The following ROBO2 variants were observed in gnomAD, a reference collection of about 807,000 sequenced individuals.
ROBO2 encodes roundabout guidance receptor 2.
A neutral mutation model predicts 160.8 loss-of-function variants in ROBO2; 53 were observed. The observed-to-expected ratio is 0.33, with a 90% confidence interval of 0.26 to 0.41. The LOEUF is 0.41. Ranked by LOEUF, ROBO2 falls within the 10% of genes least tolerant of loss-of-function variation. The probability of loss-of-function intolerance (pLI) is 1.00; values close to 1 mark genes in which losing one functional copy is unlikely to be tolerated. For synonymous variants in ROBO2, 664 were observed against 611.7 expected, an observed-to-expected ratio of 1.09 and a Z score of -1.26; for missense variants, 1,577 against 1,722.4, an observed-to-expected ratio of 0.92 and a Z score of 1.49.
chr3:76,776,156 C>T (rs764248716), intron 2 of ROBO2, among the ~76,000 whole-genome samples: 23 of 150,894 alleles, frequency 1.5e-4, no homozygotes, highest in Non-Finnish European at 3.1e-4. Flanking sequence ...GATCATCTCC[C>T]CAAAGAAAAG....
intron 2 of ROBO2, among the ~76,000 whole-genome samples, chr3:76,579,786 CAAAAAAAA>C (rs5850267): frequency 3.4e-4 from 36 of 107,150 alleles, no homozygotes; most frequent in South Asian, 3.0e-4. Context: ...GGTTGAGTTA[CAAAAAAAA>C]AAAAAAAAAA....
At chr3:77,152,392 T>C (rs762594295) in intron 2 of ROBO2, among the ~76,000 whole-genome samples, 19 of 152,238 alleles carry the variant, frequency 1.2e-4, no homozygotes, top group Non-Finnish European at 1.9e-4. Context: ...GTTCATTCTT[T>C]TTTATTATAC....
At chr3:76,214,336 AC>A (rs1269812636) in intron 2 of ROBO2, among the ~76,000 whole-genome samples, 2 of 152,166 alleles carry the variant, frequency 1.3e-5, no homozygotes, top group African/African-American at 4.8e-5. Context: ...GGTGCAGTAC[AC>A]CGAGCATGAG....
In ROBO2 at chr3:77,602,296, A is replaced by G. The variant is rs370723000; in HGVS notation, c.2941A>G (p.Thr981Ala). Residue 981 changes from threonine to alanine, a missense_variant, in exon 20 of 26, where the codon ACC becomes GCC. Physicochemically the swap from Thr to Ala is moderately conservative, Grantham distance 58. Transcript: ENST00000461745. ...CATTTATAGTAGCATTGACTTCACTACCAAAACCAGTTACAACAGTTCCAG... is the reference window on the plus strand; with the variant it reads ...CATTTATAGTAGCATTGACTTCACTGCCAAAACCAGTTACAACAGTTCCAG... 28 of 1,613,982 alleles carry G rather than the reference A, an allele frequency of 1.7e-5. No individual in the cohort carries two copies. The African/African-American group carries it at 3.7e-4, about 22-fold the overall frequency.
chr3:77,313,564 GT>G (rs376042078), intron 2 of ROBO2, among the ~76,000 whole-genome samples: 1 of 151,644 alleles, frequency 6.6e-6, no homozygotes, highest in South Asian at 2.1e-4. Context: ...TATTTTTTTT[GT>G]TTTGCTTTGT....
chr3:75,946,523 C>T (rs1948298946), intron 2 of ROBO2, among the ~76,000 whole-genome samples: 2 of 151,988 alleles, frequency 1.3e-5, no homozygotes, highest in African/African-American at 4.8e-5. Flanking sequence ...CATGTGGTAA[C>T]ATGGTTGAGT....
At chr3:76,379,350 A>G (rs1224783398) in intron 2 of ROBO2, among the ~76,000 whole-genome samples, 1 of 152,162 alleles carries the variant, frequency 6.6e-6, no homozygotes, top group Non-Finnish European at 1.5e-5. Flanking sequence ...TTTTCAATAA[A>G]AAATATTTAA....
intron 2 of ROBO2, among the ~76,000 whole-genome samples, chr3:77,103,562 T>C (rs2072352688): frequency 1.3e-5 from 2 of 152,214 alleles, no homozygotes. Flanking sequence ...TGATTCATAA[T>C]TCAAGTATGG....
intron 2 of ROBO2, among the ~76,000 whole-genome samples, chr3:76,246,169 T>A (rs1338097164): frequency 6.6e-6 from 1 of 152,058 alleles, no homozygotes; most frequent in Non-Finnish European, 1.5e-5. Flanking sequence ...GATCAGGAAA[T>A]GGTGTGTTTG....
At chr3:77,527,132 CT>C (rs1343808413) in intron 6 of ROBO2, among the ~76,000 whole-genome samples, 1 of 151,380 alleles carries the variant, frequency 6.6e-6, no homozygotes, top group Non-Finnish European at 1.5e-5. Flanking sequence ...GAAATAATAA[CT>C]GCAGTAAGTG....
At chr3:76,316,113 G>T (rs766278843) in intron 2 of ROBO2, among the ~76,000 whole-genome samples, 3 of 152,132 alleles carry the variant, frequency 2.0e-5, no homozygotes, top group Non-Finnish European at 4.4e-5. Flanking sequence ...CCTGATAAGG[G>T]TCTATGTTCA....
chr3:77,311,157 G>A (rs1375237668), intron 2 of ROBO2, among the ~76,000 whole-genome samples: 1 of 152,056 alleles, frequency 6.6e-6, no homozygotes, highest in Non-Finnish European at 1.5e-5. Context: ...CATTTCTAAT[G>A]TTTTCTTTTT....
rs988882737 is a variant in ROBO2, at chr3:75,989,953, G to GT, written c.109+52359dup. Among the ~76,000 whole-genome samples, 41 of 151,840 alleles carry GT rather than the reference G, an allele frequency of 2.7e-4. 1 individual carries two copies. The highest frequency in any genetic ancestry group is 2.6e-3 in the Admixed American group (39 of 15,214). ...GAATTTCCTTTTAATTGGCATGTGT[G>GT]TTTTTTTTCCTTCAAATTAATAATT... On this transcript the variant is annotated intron_variant, in intron 2 of 26. Transcript: ENST00000487694.
intron 2 of ROBO2, among the ~76,000 whole-genome samples, chr3:76,920,336 A>G (rs191538187): frequency 4.1e-4 from 62 of 152,306 alleles, no homozygotes; most frequent in African/African-American, 1.5e-3. Context: ...CTGGGAAACA[A>G]TAAATTTGCT....
At chr3:76,423,800 A>G (rs2076096213) in intron 2 of ROBO2, among the ~76,000 whole-genome samples, 1 of 152,154 alleles carries the variant, frequency 6.6e-6, no homozygotes. Context: ...GGGATTTTGA[A>G]ATGTCTAAAA....
chr3:76,719,023 T>A (rs571294585), intron 2 of ROBO2, among the ~76,000 whole-genome samples: 62 of 152,140 alleles, frequency 4.1e-4, no homozygotes, highest in African/African-American at 1.4e-3. Flanking sequence ...TTCCTTTAAC[T>A]TTTTTTTAAA....
chr3:77,409,903 TAGAG>T lies in ROBO2; in HGVS notation c.389-67509_389-67506del, dbSNP rs538000374. Among the ~76,000 whole-genome samples the T allele has an allele frequency of 2.6e-5, 4 of 152,308 alleles. No individual in the cohort carries two copies. In the South Asian group the frequency reaches 8.3e-4, roughly 32 times the overall value. ...TTTTGATTACATAGCTTTTCCTGTA[TAGAG>T]ATTTAACTTGAAGTCTACAGATGTT... is the stretch of plus-strand genomic sequence containing the variant. On this transcript the variant is annotated intron_variant, in intron 2 of 25. Transcript: ENST00000461745.
chr3:77,343,233 C>T (rs1373901305), intron 2 of ROBO2, among the ~76,000 whole-genome samples: 2 of 151,994 alleles, frequency 1.3e-5, no homozygotes, highest in East Asian at 1.9e-4. Context: ...TAGTTCAGTC[C>T]AGAGCAAGTA....
intron 2 of ROBO2, among the ~76,000 whole-genome samples, chr3:76,892,980 C>T (rs1048257913): frequency 6.6e-5 from 10 of 152,218 alleles, no homozygotes; most frequent in East Asian, 1.9e-4. Flanking sequence ...CTCTACCTGC[C>T]GATGTGGCCA....
Sources: gnomAD v4.1 joint callset for allele counts (sites outside exome capture counted in the v4.1 genomes callset) on GRCh38, gnomAD v4.1.1 for gene constraint, MANE v1.5 for transcripts, NCBI Gene and HGNC (gene_info 2026-07-23, HGNC 2026-07-21) for gene names.